The following CPEB3 variants were observed in gnomAD, a reference collection of about 807,000 sequenced individuals.
CPEB3 encodes cytoplasmic polyadenylation element-binding protein 3.
CPEB3 carries 20 observed loss-of-function variants against 67.2 expected under a neutral mutation model. The observed-to-expected ratio is 0.30, with a 90% CI of 0.21 to 0.43. CPEB3 has a LOEUF of 0.43. Among genes scored for constraint, CPEB3 ranks in the 20% least tolerant of loss-of-function variants. The probability of loss-of-function intolerance (pLI) is 1.00; values close to 1 mark genes in which losing one functional copy is unlikely to be tolerated. For synonymous variants in CPEB3, 376 were observed against 393.1 expected (o/e 0.96, Z 0.51); for missense variants, 746 against 968.6 (o/e 0.77, Z 3.05).
intron 4 of CPEB3, among the ~76,000 whole-genome samples, chr10:92,172,972 C>T (rs1253610787): frequency 1.3e-5 from 2 of 152,170 alleles, no homozygotes; most frequent in African/African-American, 4.8e-5. Flanking sequence ...TGGATATTCT[C>T]TAAGACTGTT....
At chr10:92,100,737 G>T (rs1260949865) in intron 7 of CPEB3, among the ~76,000 whole-genome samples, 1 of 151,296 alleles carries the variant, frequency 6.6e-6, no homozygotes, top group Non-Finnish European at 1.5e-5. Flanking sequence ...GACTACAGGT[G>T]CCCGCCACCA....
chr10:92,284,963 TAAAGA>T (rs1183859173), intron 1 of CPEB3, among the ~76,000 whole-genome samples: 5 of 152,232 alleles, frequency 3.3e-5, no homozygotes, highest in African/African-American at 4.8e-5. Flanking sequence ...AGGTAATTTA[TAAAGA>T]AAAGAAATTT....
intron 1 of CPEB3, among the ~76,000 whole-genome samples, chr10:92,269,180 A>AG (rs1853193223): frequency 6.6e-6 from 1 of 152,102 alleles, no homozygotes; most frequent in African/African-American, 2.4e-5. Flanking sequence ...GAAAAAAAAA[A>AG]AGGCTTCAAG....
rs1373164180 is a variant in CPEB3, at chr10:92,052,406, T to C, written c.1903A>G (p.Met635Val). ...CGTGTGCCCTGGCACTCATCACACA[T>C]CTGATCATCCAGCACATATGGCTTT... ...EVKPYVLDDQ[M>V]CDECQGTRCG... Residue 635 changes from methionine to valine, a missense_variant, in exon 10 of 10, where the codon ATG (methionine) becomes GTG (valine). Met to Val is a conservative substitution (Grantham distance 21, BLOSUM62 1). Transcript: ENST00000265997. The C allele has an allele frequency of 6.2e-7, 1 of 1,614,072 alleles. No homozygotes were observed. The highest frequency in any genetic ancestry group is 1.7e-5 in the Admixed American group (1 of 60,016).
At chr10:92,092,052 G>T in intron 7 of CPEB3, 108 bp from the exon 8 acceptor site, 1 of 722,170 alleles carries the variant, frequency 1.4e-6, no homozygotes, top group Non-Finnish European at 2.4e-6. Flanking sequence ...CAATGAACAT[G>T]ACCCAAACAA....
intron 2 of CPEB3, among the ~76,000 whole-genome samples, chr10:92,199,813 T>C (rs978276387): frequency 7.9e-5 from 12 of 152,208 alleles, no homozygotes; most frequent in African/African-American, 2.9e-4. Context: ...CTATAAACAG[T>C]TTAAGAGCAA....
intron 1 of CPEB3, among the ~76,000 whole-genome samples, chr10:92,282,407 A>AG (rs1385951947): frequency 6.6e-6 from 1 of 151,972 alleles, no homozygotes; most frequent in Non-Finnish European, 1.5e-5. Flanking sequence ...GTAACACTGT[A>AG]GGCCAGGTGC....
At position 92,047,097 on chromosome 10, in the gene CPEB3, C is replaced by T. The variant is rs1233792743; in HGVS notation, c.*5115G>A. ...CCTGTGTTAGCACCCAAGTTTTCTA[C>T]TTGTTGCAATTAACTTTGTCGTCAT... On this transcript the variant is annotated 3_prime_UTR_variant, in exon 10 of 10. Transcript: ENST00000265997. 1 of 152,196 alleles carries T rather than the reference C, an allele frequency of 6.6e-6. No homozygotes were observed. Among genetic ancestry groups the T allele is most frequent in the Non-Finnish European group, 1.5e-5 (1 of 68,038 alleles). The allele number at this position is 152,196 out of a possible 1,614,324, so 9.4% of individuals were successfully genotyped here. A position where few individuals can be genotyped will look rare whatever the true frequency, so the allele number is the denominator to read the frequency against.
chr10:92,077,191 C>A (rs901919229), intron 9 of CPEB3, among the ~76,000 whole-genome samples: 1 of 152,056 alleles, frequency 6.6e-6, no homozygotes, highest in Non-Finnish European at 1.5e-5. Flanking sequence ...GAAATGGGAG[C>A]TCTCTGGAAA....
intron 2 of CPEB3, among the ~76,000 whole-genome samples, chr10:92,215,304 C>T (rs930651962): frequency 6.7e-5 from 10 of 149,872 alleles, no homozygotes; most frequent in Admixed American, 1.3e-4. Context: ...AGGCGCCCAC[C>T]ACTACACCCA....
intron 9 of CPEB3, among the ~76,000 whole-genome samples, chr10:92,079,732 C>A (rs112781832): frequency 1.3e-5 from 2 of 152,102 alleles, no homozygotes; most frequent in African/African-American, 4.8e-5. Context: ...AAATTTTTAC[C>A]TAAGAAACTT....
rs80229778 is a variant in CPEB3 at position 92,265,920 on chromosome 10, T to C, written c.-12+25006A>G. Among the ~76,000 whole-genome samples the C allele has an allele frequency of 7.0e-3, 1,069 of 152,160 alleles. 10 individuals carry two copies. Among genetic ancestry groups the C allele is most frequent in the African/African-American group, 0.024 (1,011 of 41,524 alleles). On this transcript the variant is annotated intron_variant, in intron 1 of 9. Transcript: ENST00000265997. ...GAGCCTTGAGGAGGTAACTAGATTATGTGGGCTCTGCCCTCATGAATGGAT... is the reference window on the plus strand; with the variant it reads ...GAGCCTTGAGGAGGTAACTAGATTACGTGGGCTCTGCCCTCATGAATGGAT...
intron 2 of CPEB3, among the ~76,000 whole-genome samples, chr10:92,222,094 A>G (rs934623527): frequency 3.9e-5 from 6 of 152,054 alleles, no homozygotes; most frequent in African/African-American, 1.4e-4. Flanking sequence ...AAAAATATCC[A>G]CAGCACATTC....
At chr10:92,260,262 G>A (rs1466145302) in intron 1 of CPEB3, among the ~76,000 whole-genome samples, 2 of 152,046 alleles carry the variant, frequency 1.3e-5, no homozygotes, top group African/African-American at 4.8e-5. Flanking sequence ...CTAAAATCAT[G>A]TCTTCTGGCT....
At chr10:92,236,888 T>C (rs1851563512) in intron 2 of CPEB3, among the ~76,000 whole-genome samples, 1 of 152,178 alleles carries the variant, frequency 6.6e-6, no homozygotes, top group African/African-American at 2.4e-5. Context: ...CTTTAAAAAT[T>C]TTAACATACA....
At chr10:92,086,088 A>T (rs984570375) in intron 8 of CPEB3, among the ~76,000 whole-genome samples, 2 of 152,240 alleles carry the variant, frequency 1.3e-5, no homozygotes, top group Non-Finnish European at 2.9e-5. Context: ...CAAACGAGAT[A>T]GAGTAGAAAT....
intron 1 of CPEB3, among the ~76,000 whole-genome samples, chr10:92,253,481 A>AAAAAAAG (rs1564910688): frequency 2.8e-5 from 4 of 144,824 alleles, no homozygotes; most frequent in Non-Finnish European, 3.0e-5. Context: ...AAAAAAAAAA[A>AAAAAAAG]AAAGAAAAGA....
In CPEB3 at chr10:92,047,819, C is replaced by G. The variant is rs1337871054; in HGVS notation, c.*4393G>C. 6.6e-6 allele frequency: 1 copy of G among 152,214 alleles called. No homozygotes were observed. The highest frequency in any genetic ancestry group is 2.4e-5 in the African/African-American group (1 of 41,458). 9.4% of individuals were successfully genotyped at this position (152,214 alleles called of 1,614,324 possible). On this transcript the variant is annotated 3_prime_UTR_variant, in exon 10 of 10. Transcript: ENST00000265997. ...TTATTGATGAACCTCGCCTCCATAG[C>G]GATGGAGCTGAAAGAGGCCATCAAC...
chr10:92,072,102 T>C (rs1043256138), intron 9 of CPEB3, among the ~76,000 whole-genome samples: 12 of 152,140 alleles, frequency 7.9e-5, no homozygotes, highest in African/African-American at 2.7e-4. Context: ...ATCTTTTCAG[T>C]ATCGAAAAGA....
Sources: allele counts gnomAD v4.1 joint callset (sites outside exome capture counted in the v4.1 genomes callset), GRCh38; gene constraint gnomAD v4.1.1; transcripts MANE v1.5; gene names NCBI Gene and HGNC (gene_info 2026-07-23, HGNC 2026-07-21).